The following CRTC1 variants were observed in gnomAD, a reference collection of about 807,000 sequenced individuals.
The protein encoded by CRTC1 is CREB-regulated transcription coactivator 1.
Under a neutral mutation model 66.1 loss-of-function variants are expected in CRTC1, and 18 were observed. The observed-to-expected ratio is 0.27, with a 90% CI of 0.19 to 0.40. CRTC1 has a LOEUF of 0.40. Among genes scored for constraint, CRTC1 ranks in the 10% least tolerant of loss-of-function variants. The probability of loss-of-function intolerance (pLI) is 1.00; values close to 1 mark genes in which losing one functional copy is unlikely to be tolerated. For missense variants in CRTC1, 669 were observed against 887.9 expected (o/e 0.75, Z 3.13); for synonymous variants, 416 against 398.8 (o/e 1.04, Z -0.51).
intron 1 of CRTC1, among the ~76,000 whole-genome samples, chr19:18,684,232 C>T (rs1316196592): frequency 2.0e-5 from 3 of 151,946 alleles, no homozygotes; most frequent in Non-Finnish European, 4.4e-5. Flanking sequence ...GCCCCCGCAT[C>T]ATTGCTACCT....
chr19:18,683,916 GGGGGCGCGGCGGGGGC>G (rs1211035879), intron 1 of CRTC1, 88 bp downstream of exon 1: 2 of 149,132 alleles, frequency 1.3e-5, no homozygotes, highest in Admixed American at 1.4e-4. Context: ...CGGGGTGGGG[GGGGGCGCGGCGGGGGC>G]GGGGCGCGCG....
intron 2 of CRTC1, chr19:18,744,221 T>A: frequency 6.6e-7 from 1 of 1,510,940 alleles, no homozygotes; most frequent in Non-Finnish European, 9.0e-7. Context: ...CCGACCCGTG[T>A]GCGGGCGCTG....
chr19:18,749,906 G>T, intron 5 of CRTC1, 31 bp downstream of exon 5: 1 of 1,578,824 alleles, frequency 6.3e-7, no homozygotes, highest in South Asian at 1.1e-5. Context: ...TGTCTCTGCT[G>T]GGGTGAGGCA....
intron 13 of CRTC1, among the ~76,000 whole-genome samples, chr19:18,776,482 A>C (rs1409888294): frequency 6.6e-6 from 1 of 152,134 alleles, no homozygotes; most frequent in Non-Finnish European, 1.5e-5. Flanking sequence ...TCCAGGCTGG[A>C]AGTGTCCGTA....
At chr19:18,722,295 C>T (rs889764428) in intron 1 of CRTC1, among the ~76,000 whole-genome samples, 9 of 152,192 alleles carry the variant, frequency 5.9e-5, no homozygotes, top group African/African-American at 1.9e-4. Flanking sequence ...CCAGGTGCCT[C>T]CCAGCTGGCT....
At position 18,778,839 on chromosome 19, in the gene CRTC1, C is replaced by T; in HGVS notation, c.*1457C>T. The T allele has an allele frequency of 8.6e-6, 2 of 231,536 alleles. No individual in the cohort carries two copies. The highest frequency in any genetic ancestry group is 1.7e-5 in the Non-Finnish European group (2 of 116,960). The allele number at this position is 231,536 out of a possible 1,614,324, so 14.3% of individuals were successfully genotyped here. On this transcript the variant is annotated 3_prime_UTR_variant, in exon 14 of 14. Coordinates refer to ENST00000321949, the MANE Select transcript of CRTC1 (RefSeq NM_015321.3). The stretch of plus-strand genomic sequence containing the variant: ...GCATTTCATCCCCTCTCCACCCTAC[C>T]CTCTGGCTCCTAGCCCACACCCCCT...
chr19:18,732,907 T>C (rs2053921525), intron 1 of CRTC1, among the ~76,000 whole-genome samples: 1 of 151,616 alleles, frequency 6.6e-6, no homozygotes, highest in Non-Finnish European at 1.5e-5. Context: ...CTGGGCAACA[T>C]AGGAAGACCC....
chr19:18,712,904 G>T (rs2053423210), intron 1 of CRTC1, among the ~76,000 whole-genome samples: 1 of 151,618 alleles, frequency 6.6e-6, no homozygotes, highest in Non-Finnish European at 1.5e-5. Context: ...AGGCTACAGT[G>T]AGCCGAGATC....
At chr19:18,776,448 C>T (rs901988308) in intron 13 of CRTC1, among the ~76,000 whole-genome samples, 20 of 152,198 alleles carry the variant, frequency 1.3e-4, no homozygotes, top group Admixed American at 2.0e-4. Context: ...GTGATGCGCC[C>T]CCTGGCAGTC....
At chr19:18,696,265 C>G (rs1261757726) in intron 1 of CRTC1, among the ~76,000 whole-genome samples, 1 of 152,080 alleles carries the variant, frequency 6.6e-6, no homozygotes, top group Non-Finnish European at 1.5e-5. Context: ...CAGGGCGGTT[C>G]AGGCTGCTGG....
In CRTC1 at chr19:18,777,386, G is replaced by A. The variant is rs757110910; in HGVS notation, c.*4G>A. ...CTTCCGGATGGACCGCCTGTGAGCG[G>A]GCACGCCGGCACCCTGCCGCTCAGC... is the stretch of plus-strand genomic sequence containing the variant. On this transcript the variant is annotated 3_prime_UTR_variant, in exon 14 of 14. Coordinates refer to ENST00000321949, the MANE Select transcript of CRTC1 (RefSeq NM_015321.3). This position sits in a 1 kb window ranked among gnomAD's most constrained non-coding sequence, Gnocchi z 5.5. 2.5e-6 allele frequency: 4 copies of A among 1,600,490 alleles called. No homozygotes were observed. The highest frequency in any genetic ancestry group is 1.7e-5 in the Admixed American group (1 of 59,986).
chr19:18,698,848 G>C (rs775358505), intron 1 of CRTC1, among the ~76,000 whole-genome samples: 8 of 150,482 alleles, frequency 5.3e-5, no homozygotes, highest in Non-Finnish European at 1.0e-4. Context: ...GTGTGTATTT[G>C]GTTGCTGAGC....
At position 18,698,884 on chromosome 19, in the gene CRTC1, C is replaced by T. The variant is rs12973480; in HGVS notation, c.126+15056C>T. 2.6e-5 allele frequency among the ~76,000 whole-genome samples: 4 copies of T among 151,340 alleles called. No individual in the cohort carries two copies. In the East Asian group the frequency reaches 5.9e-4, roughly 22 times the overall value. On this transcript the variant is annotated intron_variant, in intron 1 of 13. Transcript: ENST00000321949. ...AAGTGCACACTGTGTACTCAGTAGG[C>T]GCAGTGTGTGCTCTGCGGGCACTCA...
At position 18,777,081 on chromosome 19, in the gene CRTC1, T is replaced by C. The variant is rs1472814914; in HGVS notation, c.1694-90T>C. 1.4e-6 allele frequency: 1 copy of C among 735,310 alleles called. No homozygotes were observed. Among genetic ancestry groups the C allele is most frequent in the African/African-American group, 1.7e-5 (1 of 57,592 alleles). The allele number at this position is 735,310 out of a possible 1,614,324, so 45.5% of individuals were successfully genotyped here. The stretch of plus-strand genomic sequence containing the variant: ...TTGCCAGCATACCCAGGGGACAGAG[T>C]CGCCCGGCGGGCATGCCTGGTCCGA... On this transcript the variant is annotated intron_variant, in intron 13 of 13. Coordinates refer to ENST00000321949, the MANE Select transcript of CRTC1 (RefSeq NM_015321.3). The surrounding 1 kb of genome is among the most constrained non-coding windows in gnomAD (Gnocchi z 5.5).
intron 5 of CRTC1, among the ~76,000 whole-genome samples, chr19:18,750,383 T>C (rs927212169): frequency 1.8e-4 from 27 of 152,174 alleles, no homozygotes; most frequent in Admixed American, 2.0e-4. Flanking sequence ...TCTTCCCAAC[T>C]CTTGGCCAGA....
chr19:18,777,240 G>A lies in CRTC1; in HGVS notation c.1763G>A (p.Ser588Asn). Reference sequence around the variant, plus strand: ...TCTCTGGCCGGGGTCGGCGACGTCAGCTTCGACTCCGACAGCCAGTTTCCC... The same window carrying A: ...TCTCTGGCCGGGGTCGGCGACGTCAACTTCGACTCCGACAGCCAGTTTCCC... ...TSSLAGVGDV[S>N]FDSDSQFPLD... Residue 588 changes from serine to asparagine, a missense_variant, in exon 14 of 14, where the codon AGC becomes AAC. Physicochemically the swap from Ser to Asn is conservative, Grantham distance 46. Coordinates refer to ENST00000321949, the MANE Select transcript of CRTC1 (RefSeq NM_015321.3). The surrounding 1 kb of genome is among the most constrained non-coding windows in gnomAD (Gnocchi z 5.5). 6.2e-7 allele frequency: 1 copy of A among 1,611,092 alleles called. No individual in the cohort carries two copies. Among genetic ancestry groups the A allele is most frequent in the South Asian group, 1.1e-5 (1 of 91,056 alleles).
intron 4 of CRTC1, among the ~76,000 whole-genome samples, chr19:18,748,417 C>T (rs114873329): frequency 0.025 from 3,463 of 138,106 alleles, 157 homozygotes; most frequent in African/African-American, 0.09. Flanking sequence ...CAAGATCTTG[C>T]CACGTTACCC....
At chr19:18,765,586 C>T in intron 9 of CRTC1, 58 bp downstream of exon 9, 1 of 1,530,602 alleles carries the variant, frequency 6.5e-7, no homozygotes, top group Non-Finnish European at 8.8e-7. Flanking sequence ...GGAGGCCTGG[C>T]TCTACCTCTT....
chr19:18,699,250 G>T (rs111281066), intron 1 of CRTC1, among the ~76,000 whole-genome samples: 1 of 152,214 alleles, frequency 6.6e-6, no homozygotes, highest in Admixed American at 6.5e-5. Context: ...GTCCTGGGAG[G>T]GGTGTGCGGG....
Sources: allele counts gnomAD v4.1 joint callset (sites outside exome capture counted in the v4.1 genomes callset), GRCh38; gene constraint gnomAD v4.1.1; non-coding constraint Gnocchi (gnomAD v3.1); transcripts MANE v1.5; gene names NCBI Gene and HGNC (gene_info 2026-07-23, HGNC 2026-07-21).